The following KATNIP variants were observed in gnomAD, a reference collection of about 807,000 sequenced individuals.
The protein encoded by KATNIP is katanin-interacting protein.
A neutral mutation model predicts 174.0 loss-of-function variants in KATNIP; 126 were observed. That is an observed-to-expected ratio of 0.72 (90% CI 0.63 to 0.84). The LOEUF (loss-of-function observed/expected upper bound fraction) is 0.84, where lower values mean the gene tolerates loss of function less well. Among genes scored for constraint, KATNIP ranks in the 40% least tolerant of loss-of-function variants. The pLI is 0.00. For synonymous variants in KATNIP, 810 were observed against 835.7 expected (o/e 0.97, Z 0.53); for missense variants, 1,958 against 2,109.7 (o/e 0.93, Z 1.41).
chr16:27,608,774 A>G (rs7192272), intron 2 of KATNIP, among the ~76,000 whole-genome samples: 125,897 of 152,188 alleles, frequency 0.83, 52,318 homozygotes, highest in East Asian at 1. Context: ...AAGGATACCA[A>G]TAAGGACATT....
rs115221528 is a variant in KATNIP, at chr16:27,674,319, T to A, written c.541-3410T>A. Among the ~76,000 whole-genome samples, 305 of 152,366 alleles carry A rather than the reference T, an allele frequency of 2.0e-3. 3 individuals are homozygous for A. The highest frequency in any genetic ancestry group is 6.5e-3 in the African/African-American group (270 of 41,586). On this transcript the variant is annotated intron_variant, in intron 6 of 27. Coordinates refer to ENST00000261588, the MANE Select transcript of KATNIP (RefSeq NM_015202.5). ...GTTTCACTGGTCTAAAATCAAGGCA[T>A]TTAGCAAACCTGCACGTTGTGCACA...
At position 27,609,771 on chromosome 16, in the gene KATNIP, A is replaced by G. The variant is rs143753574; in HGVS notation, c.64-8654A>G. On this transcript the variant is annotated intron_variant, in intron 2 of 27. Transcript: ENST00000261588. ...CAGTGGCATGATCTCAGCTCACTGC[A>G]ACCTCCACCTCCTGGGTTCAAGTGA... Among the ~76,000 whole-genome samples, 287 of 148,928 alleles carry G rather than the reference A, an allele frequency of 1.9e-3. 1 individual carries two copies. The highest frequency in any genetic ancestry group is 6.8e-3 in the African/African-American group (273 of 40,160).
rs748840914 is a variant in KATNIP, at chr16:27,750,278, C to T, written c.3318C>T (p.Ile1106=). 5.6e-6 allele frequency: 9 copies of T among 1,613,048 alleles called. No homozygotes were observed. Among genetic ancestry groups the T allele is most frequent in the Middle Eastern group, 1.7e-4 (1 of 6,058 alleles). The change falls in exon 16 of 28, where the codon ATC becomes ATT. Residue 1106 remains isoleucine, a synonymous_variant. Transcript: ENST00000261588. ...CCCAGTGCATCTTTGAAGGAGAAAT[C>T]GCCAAGGCCTCTGGAACCCTGGCGG... ...LDTQCIFEGE[I]AKASGTLAGA...
Position 27,754,236 on chromosome 16 carries a change from A to G in KATNIP, c.3616A>G (p.Ile1206Val), listed in dbSNP as rs1443786359. The change falls in exon 18 of 28, where the codon ATC becomes GTC. Residue 1206 changes from isoleucine (I) to valine (V), a missense_variant. By Grantham distance (29) the Ile-to-Val change is conservative. Coordinates refer to ENST00000261588, the MANE Select transcript of KATNIP (RefSeq NM_015202.5). ...CCAAGTCACCACGCCAGAGCCAGGCATCTACCACGGAATCTGTGAGTAGCT... is the reference window on the plus strand; with the variant it reads ...CCAAGTCACCACGCCAGAGCCAGGCGTCTACCACGGAATCTGTGAGTAGCT... ...VPQVTTPEPG[I>V]YHGICLQLNF... The G allele has an allele frequency of 4.3e-6, 7 of 1,613,938 alleles. No individual in the cohort carries two copies. Among genetic ancestry groups the G allele is most frequent in the Admixed American group, 1.7e-5 (1 of 60,006 alleles).
intron 6 of KATNIP, among the ~76,000 whole-genome samples, chr16:27,655,679 T>C (rs2077259415): frequency 6.6e-6 from 1 of 152,186 alleles, no homozygotes; most frequent in Admixed American, 6.6e-5. Context: ...ATCACGACGT[T>C]AACCCTGTGA....
At chr16:27,584,810 T>C (rs1003064804) in intron 2 of KATNIP, among the ~76,000 whole-genome samples, 3 of 151,954 alleles carry the variant, frequency 2.0e-5, no homozygotes, top group African/African-American at 7.3e-5. Context: ...AAAAATCATG[T>C]TGACATCTGT....
At chr16:27,700,498 G>A (rs890028915) in intron 10 of KATNIP, among the ~76,000 whole-genome samples, 1 of 152,176 alleles carries the variant, frequency 6.6e-6, no homozygotes, top group Non-Finnish European at 1.5e-5. Context: ...GGTGATATCA[G>A]AGAGCGATGA....
intron 3 of KATNIP, 141 bp downstream of exon 3, chr16:27,618,642 G>C (rs1303057736): frequency 8.3e-6 from 5 of 604,458 alleles, no homozygotes; most frequent in Non-Finnish European, 1.2e-5. Flanking sequence ...AATATTATCT[G>C]CAACCCCAGC....
intron 5 of KATNIP, 93 bp from the exon 6 acceptor site, chr16:27,648,511 T>C: frequency 6.7e-7 from 1 of 1,482,286 alleles, no homozygotes; most frequent in African/African-American, 1.4e-5. Context: ...TGCCCATAGA[T>C]CCTGGCTGAA....
intron 6 of KATNIP, among the ~76,000 whole-genome samples, chr16:27,672,582 G>T (rs1213467788): frequency 6.6e-6 from 1 of 152,242 alleles, no homozygotes; most frequent in Non-Finnish European, 1.5e-5. Context: ...TTAATGAATG[G>T]TGGTTGCCTT....
intron 8 of KATNIP, among the ~76,000 whole-genome samples, chr16:27,692,619 A>G (rs899948122): frequency 6.6e-6 from 1 of 152,092 alleles, no homozygotes; most frequent in South Asian, 2.1e-4. Flanking sequence ...GGCGAAGGGA[A>G]GAGCAGGGTA....
intron 12 of KATNIP, 39 bp downstream of exon 12, chr16:27,704,037 A>C: frequency 6.6e-7 from 1 of 1,515,126 alleles, no homozygotes; most frequent in Non-Finnish European, 9.2e-7. Context: ...TACATTCAGG[A>C]AGTTCCCTCA....
At chr16:27,551,608 C>T (rs900010477) in intron 1 of KATNIP, among the ~76,000 whole-genome samples, 4 of 152,162 alleles carry the variant, frequency 2.6e-5, no homozygotes, top group East Asian at 1.9e-4. Context: ...AAAATTGGGC[C>T]GGGCATGGAC....
In KATNIP at chr16:27,631,207, T is replaced by C. The variant is rs1011187279; in HGVS notation, c.408+45T>C. 1.0e-5 allele frequency: 14 copies of C among 1,384,572 alleles called. No homozygotes were observed. In the African/African-American group the frequency reaches 1.6e-4, roughly 16 times the overall value. 85.8% of individuals were successfully genotyped at this position (1,384,572 alleles called of 1,614,324 possible). On this transcript the variant is annotated intron_variant, in intron 5 of 27. Coordinates refer to ENST00000261588, the MANE Select transcript of KATNIP (RefSeq NM_015202.5). ...AGCCCACGCTTTAGAATACAGAGTG[T>C]GGGTGGCTGTGGGAATAGAAATACA...
At chr16:27,701,109 T>C (rs1300322510) in intron 10 of KATNIP, among the ~76,000 whole-genome samples, 4 of 152,220 alleles carry the variant, frequency 2.6e-5, no homozygotes, top group Admixed American at 2.0e-4. Flanking sequence ...GTCTGCTTAC[T>C]TTGTACAAAG....
At chr16:27,665,343 G>C (rs1224319414) in intron 6 of KATNIP, among the ~76,000 whole-genome samples, 1 of 151,576 alleles carries the variant, frequency 6.6e-6, no homozygotes. Context: ...GACCTCAAAC[G>C]ATCCACCCAC....
At chr16:27,697,818 G>A (rs1427953484) in intron 8 of KATNIP, among the ~76,000 whole-genome samples, 3 of 151,986 alleles carry the variant, frequency 2.0e-5, no homozygotes, top group African/African-American at 7.3e-5. Flanking sequence ...GTGTGTGCAT[G>A]TATGTGTGTA....
intron 3 of KATNIP, among the ~76,000 whole-genome samples, chr16:27,619,271 C>A (rs2076129992): frequency 6.6e-6 from 1 of 152,184 alleles, no homozygotes. Flanking sequence ...GACCACAGTT[C>A]CCCCAGGTCC....
intron 15 of KATNIP, among the ~76,000 whole-genome samples, chr16:27,742,924 A>G (rs2081161615): frequency 6.6e-6 from 1 of 152,012 alleles, no homozygotes; most frequent in Non-Finnish European, 1.5e-5. Flanking sequence ...AATGTGTGCC[A>G]TGGTGATTTG....
Sources: allele counts gnomAD v4.1 joint callset (sites outside exome capture counted in the v4.1 genomes callset), GRCh38; gene constraint gnomAD v4.1.1; transcripts MANE v1.5; gene names NCBI Gene and HGNC (gene_info 2026-07-23, HGNC 2026-07-21).